The following PRKG1 variants were observed in gnomAD, a reference collection of about 807,000 sequenced individuals.
PRKG1 encodes protein kinase cGMP-dependent 1.
Under a neutral mutation model 88.1 loss-of-function variants are expected in PRKG1, and 35 were observed. The observed-to-expected ratio is 0.40, with a 90% confidence interval of 0.30 to 0.53. The LOEUF (loss-of-function observed/expected upper bound fraction) is 0.53, where lower values mean the gene tolerates loss of function less well. PRKG1 is among the 20% of genes least tolerant of loss of function. The pLI, the probability that PRKG1 is intolerant of heterozygous loss-of-function variation, is 0.59. For missense variants in PRKG1, 540 were observed against 839.8 expected (o/e 0.64, Z 4.41); for synonymous variants, 303 against 292.5 (o/e 1.04, Z -0.37).
intron 1 of PRKG1, among the ~76,000 whole-genome samples, chr10:51,151,403 G>C (rs1054954033): frequency 6.6e-6 from 1 of 151,610 alleles, no homozygotes; most frequent in East Asian, 1.9e-4. Flanking sequence ...TTTATTCCTC[G>C]GTCTTCACAT....
At chr10:52,152,798 A>C (rs1332595440) in intron 8 of PRKG1, among the ~76,000 whole-genome samples, 2 of 152,202 alleles carry the variant, frequency 1.3e-5, no homozygotes, top group East Asian at 3.9e-4. Context: ...ATAATATAGA[A>C]GAGGGGATTC....
intron 4 of PRKG1, among the ~76,000 whole-genome samples, chr10:51,843,571 G>A (rs1344404705): frequency 2.6e-5 from 4 of 152,144 alleles, no homozygotes; most frequent in East Asian, 3.9e-4. Context: ...TTCGTTTAGC[G>A]TTCAGCTTTA....
intron 5 of PRKG1, among the ~76,000 whole-genome samples, chr10:51,945,549 C>G (rs1210417906): frequency 6.6e-6 from 1 of 151,794 alleles, no homozygotes; most frequent in African/African-American, 2.4e-5. Context: ...TCTTCCTAGC[C>G]TCGATGGTCT....
intron 2 of PRKG1, among the ~76,000 whole-genome samples, chr10:51,388,962 A>G (rs1837325910): frequency 6.6e-6 from 1 of 152,240 alleles, no homozygotes; most frequent in South Asian, 2.1e-4. Context: ...GAAACATGGT[A>G]ATTGATTCCA....
intron 12 of PRKG1, among the ~76,000 whole-genome samples, chr10:52,272,855 T>G (rs1032526869): frequency 6.6e-6 from 1 of 152,086 alleles, no homozygotes; most frequent in African/African-American, 2.4e-5. Context: ...ATCAGTTTAA[T>G]TGCTCTACTC....
At chr10:51,369,818 C>T (rs1842664118) in intron 2 of PRKG1, among the ~76,000 whole-genome samples, 1 of 152,086 alleles carries the variant, frequency 6.6e-6, no homozygotes, top group South Asian at 2.1e-4. Context: ...TTATGCTCTA[C>T]GACATCATCT....
At chr10:51,531,800 G>A (rs1005775771) in intron 3 of PRKG1, among the ~76,000 whole-genome samples, 21 of 151,534 alleles carry the variant, frequency 1.4e-4, no homozygotes, top group African/African-American at 2.7e-4. Context: ...TCCCGACACT[G>A]TGCCCGGCTA....
chr10:52,208,458 T>C (rs1420662264), intron 9 of PRKG1, among the ~76,000 whole-genome samples: 1 of 152,230 alleles, frequency 6.6e-6, no homozygotes, highest in Non-Finnish European at 1.5e-5. Flanking sequence ...CACAGAAGTA[T>C]TATGGTAAAA....
intron 9 of PRKG1, among the ~76,000 whole-genome samples, chr10:52,202,301 G>T (rs996330545): frequency 2.0e-5 from 3 of 152,042 alleles, no homozygotes; most frequent in Non-Finnish European, 4.4e-5. Context: ...TACTGATAAG[G>T]TCTTATGGTT....
chr10:51,311,688 G>C (rs145809010), intron 2 of PRKG1, among the ~76,000 whole-genome samples: 5 of 152,284 alleles, frequency 3.3e-5, no homozygotes, highest in African/African-American at 7.2e-5. Flanking sequence ...AACCAAATTT[G>C]CTTTATCTTT....
intron 2 of PRKG1, among the ~76,000 whole-genome samples, chr10:51,360,112 C>A (rs1842448702): frequency 6.6e-6 from 1 of 151,860 alleles, no homozygotes; most frequent in South Asian, 2.1e-4. Context: ...TGACACTTTC[C>A]AAGATGTCTT....
At chr10:51,944,929 C>A (rs550314937) in intron 5 of PRKG1, among the ~76,000 whole-genome samples, 2 of 151,736 alleles carry the variant, frequency 1.3e-5, no homozygotes, top group South Asian at 4.2e-4. Context: ...AATGTATATT[C>A]TGTTGATTTG....
intron 2 of PRKG1, among the ~76,000 whole-genome samples, chr10:51,456,851 A>C (rs1343229344): frequency 6.6e-6 from 1 of 152,166 alleles, no homozygotes; most frequent in African/African-American, 2.4e-5. Context: ...AACATCACTA[A>C]TTATTAGGAA....
intron 3 of PRKG1, among the ~76,000 whole-genome samples, chr10:51,596,934 G>A (rs114192694): frequency 2.5e-3 from 379 of 152,186 alleles, no homozygotes; most frequent in African/African-American, 8.5e-3. Flanking sequence ...TGTTTGGTGT[G>A]TATAATGTAT....
intron 2 of PRKG1, among the ~76,000 whole-genome samples, chr10:51,334,250 C>T (rs1228268980): frequency 6.6e-6 from 1 of 151,308 alleles, no homozygotes; most frequent in Non-Finnish European, 1.5e-5. Context: ...GTGTCCCCTT[C>T]TACTACTCTT....
At chr10:51,231,556 A>T (rs898859424) in intron 2 of PRKG1, among the ~76,000 whole-genome samples, 9 of 152,142 alleles carry the variant, frequency 5.9e-5, no homozygotes, top group African/African-American at 4.8e-5. Context: ...CTTAGGGTGT[A>T]CGGAATTTAC....
intron 3 of PRKG1, chr10:51,698,344 T>A: frequency 1.2e-6 from 2 of 1,614,138 alleles, no homozygotes; most frequent in Non-Finnish European, 1.7e-6. Flanking sequence ...GTAGACCCCT[T>A]TGATCTATCA....
At chr10:52,170,263 A>G (rs1838628437) in intron 9 of PRKG1, among the ~76,000 whole-genome samples, 1 of 152,190 alleles carries the variant, frequency 6.6e-6, no homozygotes, top group African/African-American at 2.4e-5. Flanking sequence ...CCCACCTTGT[A>G]ATGACCATCT....
intron 3 of PRKG1, among the ~76,000 whole-genome samples, chr10:51,599,136 G>A (rs1838532230): frequency 6.6e-6 from 1 of 152,152 alleles, no homozygotes; most frequent in African/African-American, 2.4e-5. Flanking sequence ...ATGAGTTTCA[G>A]GATAGTATGG....
Sources: gnomAD v4.1 joint callset for allele counts (sites outside exome capture counted in the v4.1 genomes callset) on GRCh38, gnomAD v4.1.1 for gene constraint, MANE v1.5 for transcripts, NCBI Gene and HGNC (gene_info 2026-07-23, HGNC 2026-07-21) for gene names.